Variants in CAST observed in about 807,000 individuals in gnomAD.
CAST encodes MIR583 host.
In CAST, 76 loss-of-function variants were observed where a neutral mutation model predicts 119.6. The observed-to-expected ratio is 0.64, with a 90% CI of 0.53 to 0.77. CAST has a LOEUF of 0.77. Ranked by LOEUF, CAST falls within the 30% of genes least tolerant of loss-of-function variation. CAST has a pLI of 0.00. For synonymous variants in CAST, 319 were observed against 331.6 expected (o/e 0.96, Z 0.41); for missense variants, 953 against 946.5 (o/e 1.01, Z -0.09).
chr5:96,481,635 G>T, the CAST span, among the ~76,000 whole-genome samples: 1 of 152,110 alleles, frequency 6.6e-6, no homozygotes. Context: ...TTTCTCATGA[G>T]AAAATCTGTA....
the CAST span, among the ~76,000 whole-genome samples, chr5:96,474,758 C>T: frequency 1.3e-5 from 2 of 152,072 alleles, no homozygotes; most frequent in Non-Finnish European, 2.9e-5. Context: ...TGGTAAAAAA[C>T]AGATTCATAG....
chr5:96,237,704 TTAAG>T, the CAST span, among the ~76,000 whole-genome samples: 5 of 152,122 alleles, frequency 3.3e-5, no homozygotes, highest in South Asian at 2.1e-4. Flanking sequence ...TATTGAGACT[TTAAG>T]TATATTTTCA....
chr5:96,351,403 T>G, the CAST span, among the ~76,000 whole-genome samples: 2,532 of 152,252 alleles, frequency 0.017, 76 homozygotes, highest in African/African-American at 0.059. Flanking sequence ...TCTCTACACA[T>G]TGCTTCAGCA....
chr5:96,634,843 C>A (rs1747866423), intron 1 of CAST, among the ~76,000 whole-genome samples: 2 of 152,180 alleles, frequency 1.3e-5, no homozygotes, highest in Admixed American at 6.5e-5. Flanking sequence ...ACAACAACAA[C>A]AACAAAATCT....
the CAST span, among the ~76,000 whole-genome samples, chr5:95,972,234 C>A: frequency 6.6e-6 from 1 of 152,118 alleles, no homozygotes; most frequent in African/African-American, 2.4e-5. Context: ...TATGTTCAGC[C>A]AAGTCTTATT....
the CAST span, among the ~76,000 whole-genome samples, chr5:96,194,778 T>C: frequency 1.4e-4 from 21 of 152,356 alleles, no homozygotes; most frequent in Admixed American, 1.0e-3. Context: ...TTTCCTCATA[T>C]TGTGGCATAA....
chr5:96,426,458 G>A, the CAST span, among the ~76,000 whole-genome samples: 1,238 of 152,140 alleles, frequency 8.1e-3, 5 homozygotes, highest in Non-Finnish European at 0.013. Context: ...CCTGTGCTTC[G>A]ACCTCTGCTT....
chr5:96,218,387 A>G, the CAST span, among the ~76,000 whole-genome samples: 1 of 152,330 alleles, frequency 6.6e-6, no homozygotes, highest in East Asian at 1.9e-4. Flanking sequence ...AATGTATTAC[A>G]TTTATTCATG....
chr5:96,726,753 G>C, intron 4 of CAST, 41 bp from the exon 5 acceptor site: 1 of 1,421,530 alleles, frequency 7.0e-7, no homozygotes, highest in Non-Finnish European at 9.8e-7. Context: ...TTGACTGACA[G>C]ATAAAATAAA....
chr5:96,482,602 A>T, the CAST span, among the ~76,000 whole-genome samples: 2 of 152,158 alleles, frequency 1.3e-5, no homozygotes, highest in East Asian at 3.9e-4. Context: ...TTTTGCAATG[A>T]AGAAAAAAAC....
chr5:96,491,490 C>CAAAAAAAAAA, the CAST span, among the ~76,000 whole-genome samples: 84 of 56,722 alleles, frequency 1.5e-3, 2 homozygotes, highest in South Asian at 2.3e-3. Context: ...GACTCCATCT[C>CAAAAAAAAAA]AAAAAAAAAA....
At chr5:96,066,374 A>G in the CAST span, among the ~76,000 whole-genome samples, 1 of 148,238 alleles carries the variant, frequency 6.7e-6, no homozygotes, top group South Asian at 2.2e-4. Flanking sequence ...TTGCTATTTG[A>G]TAATGATTTC....
At chr5:96,544,287 T>C (rs536425274) in intron 1 of CAST, among the ~76,000 whole-genome samples, 11 of 152,236 alleles carry the variant, frequency 7.2e-5, no homozygotes, top group Non-Finnish European at 1.3e-4. Flanking sequence ...TTTGCTAGAT[T>C]TATACATATT....
At chr5:96,227,227 A>T in the CAST span, among the ~76,000 whole-genome samples, 49 of 152,370 alleles carry the variant, frequency 3.2e-4, 1 homozygote, top group South Asian at 7.7e-3. Flanking sequence ...GGGTTATGAG[A>T]TACCACAAAT....
the CAST span, among the ~76,000 whole-genome samples, chr5:96,218,612 C>T: frequency 2.0e-5 from 3 of 152,210 alleles, no homozygotes; most frequent in Non-Finnish European, 4.4e-5. Flanking sequence ...GGCTACCTCC[C>T]CTCTTCTGAA....
chr5:95,984,058 G>A, the CAST span, among the ~76,000 whole-genome samples: 1 of 152,272 alleles, frequency 6.6e-6, no homozygotes, highest in East Asian at 1.9e-4. Flanking sequence ...CTCTGATAAT[G>A]GGCTAACCTG....
At chr5:96,135,028 A>G in the CAST span, among the ~76,000 whole-genome samples, 1 of 152,180 alleles carries the variant, frequency 6.6e-6, no homozygotes, top group Non-Finnish European at 1.5e-5. Flanking sequence ...GTCCTGTGGC[A>G]GGAGAAAGCT....
the CAST span, among the ~76,000 whole-genome samples, chr5:96,095,306 C>T: frequency 7.2e-5 from 11 of 151,992 alleles, no homozygotes; most frequent in Admixed American, 7.2e-4. Flanking sequence ...AGAATTCTGG[C>T]CAGGTGTAGT....
At chr5:96,565,987 T>C (rs1291106637) in intron 1 of CAST, among the ~76,000 whole-genome samples, 3 of 151,994 alleles carry the variant, frequency 2.0e-5, no homozygotes, top group Non-Finnish European at 2.9e-5. Flanking sequence ...TAACTGAAAA[T>C]AGAGGCGGAG....
Sources: gnomAD v4.1 joint callset for allele counts (sites outside exome capture counted in the v4.1 genomes callset) on GRCh38, gnomAD v4.1.1 for gene constraint, MANE v1.5 for transcripts, NCBI Gene and HGNC (gene_info 2026-07-23, HGNC 2026-07-21) for gene names.